Variants in PNPLA2 observed in about 807,000 individuals in gnomAD.
PNPLA2 encodes patatin-like phospholipase domain-containing protein 2.
Under a neutral mutation model 39.7 loss-of-function variants are expected in PNPLA2, and 28 were observed. That is an observed-to-expected ratio of 0.70 (90% CI 0.52 to 0.97). The LOEUF is 0.97. Ranked by LOEUF, PNPLA2 falls within the 50% of genes least tolerant of loss-of-function variation. The probability of loss-of-function intolerance (pLI) is 0.00; values close to 1 mark genes in which losing one functional copy is unlikely to be tolerated. For synonymous variants in PNPLA2, 392 were observed against 321.1 expected, an observed-to-expected ratio of 1.22 and a Z score of -2.36; for missense variants, 768 against 698.2, an observed-to-expected ratio of 1.10 and a Z score of -1.13.
chr11:822,580 A>G lies in PNPLA2; in HGVS notation c.670A>G (p.Lys224Glu). 6.2e-7 allele frequency: 1 copy of G among 1,613,818 alleles called. No individual in the cohort carries two copies. ...FNLRNLYRLS[K>E]ALFPPEPLVL... ...CCTGCGCAACCTCTACCGCCTCTCC[A>G]AGGCCCTCTTCCCGCCGGAGCCCCT... The change falls in exon 5 of 10, where the codon AAG (lysine) becomes GAG (glutamate). Residue 224 changes from lysine to glutamate, a missense_variant. Lys to Glu is a moderately conservative substitution (Grantham distance 56). Coordinates refer to ENST00000336615, the MANE Select transcript of PNPLA2 (RefSeq NM_020376.4).
At chr11:822,826 T>C (rs1407429673) in intron 5 of PNPLA2, among the ~76,000 whole-genome samples, 4 of 150,942 alleles carry the variant, frequency 2.7e-5, no homozygotes, top group Middle Eastern at 3.4e-3. Context: ...CTCTCTTTTT[T>C]TTTTTTTTTT....
rs1390815748 is a variant in PNPLA2, at chr11:825,148, G to A, written c.*286G>A. 5.4e-6 allele frequency: 3 copies of A among 555,000 alleles called. No homozygotes were observed. Among genetic ancestry groups the A allele is most frequent in the Non-Finnish European group, 3.2e-6 (1 of 313,304 alleles). 34.4% of individuals were successfully genotyped at this position (555,000 alleles called of 1,614,324 possible). On this transcript the variant is annotated 3_prime_UTR_variant, in exon 10 of 10. Coordinates refer to ENST00000336615, the MANE Select transcript of PNPLA2 (RefSeq NM_020376.4). ...TGCCCTTCCCTCCCCGTTTTTCATG[G>A]CCTGCTGAAATATGTGTGTGAAGAA...
At chr11:822,137 C>T (rs1004118993) in intron 4 of PNPLA2, 114 bp downstream of exon 4, 2 of 971,364 alleles carry the variant, frequency 2.1e-6, no homozygotes, top group Non-Finnish European at 1.6e-6. Flanking sequence ...CGCCTGTTAC[C>T]CACTTCCCCT....
At position 824,640 on chromosome 11, in the gene PNPLA2, C is replaced by T. The variant is rs61876745; in HGVS notation, c.1293C>T (p.Asp431=). The T allele has an allele frequency of 2.5e-6, 4 of 1,597,132 alleles. No individual in the cohort carries two copies. The highest frequency in any genetic ancestry group is 1.3e-5 in the African/African-American group (1 of 74,796). The change falls in exon 10 of 10, where the codon GAC becomes GAT. Residue 431 remains aspartate, a synonymous_variant. Coordinates refer to ENST00000336615, the MANE Select transcript of PNPLA2 (RefSeq NM_020376.4). ...GWMRNNLSLG[D]ALAKWEECQR... is the part of the protein sequence containing the mutation. Reference sequence around the variant, plus strand: ...TGCGCAACAACCTCTCGCTGGGGGACGCGCTGGCCAAGTGGGAGGAGTGCC... The same window carrying T: ...TGCGCAACAACCTCTCGCTGGGGGATGCGCTGGCCAAGTGGGAGGAGTGCC...
intron 4 of PNPLA2, 33 bp downstream of exon 4, chr11:822,056 G>A: frequency 1.2e-6 from 2 of 1,600,708 alleles, no homozygotes; most frequent in Non-Finnish European, 1.7e-6. Flanking sequence ...ACCTTCTATG[G>A]GGTGGGCCGT....
chr11:823,882 G>A, intron 7 of PNPLA2, 27 bp downstream of exon 7: 1 of 1,565,410 alleles, frequency 6.4e-7, no homozygotes, highest in Non-Finnish European at 8.6e-7. Flanking sequence ...CGGGAGGGGA[G>A]GAGGGGAGGC....
intron 2 of PNPLA2, 127 bp from the exon 3 acceptor site, chr11:821,501 G>A (rs1845662730): frequency 2.7e-6 from 2 of 741,408 alleles, no homozygotes; most frequent in Non-Finnish European, 4.7e-6. Flanking sequence ...CTGTGAGCCA[G>A]GCCCCACATT....
Position 824,869 on chromosome 11 carries a change from G to C in PNPLA2, c.*7G>C. 1 of 1,531,716 alleles carries C rather than the reference G, an allele frequency of 6.5e-7. No individual in the cohort carries two copies. The highest frequency in any genetic ancestry group is 8.7e-7 in the Non-Finnish European group (1 of 1,143,472). 94.9% of individuals were successfully genotyped at this position (1,531,716 alleles called of 1,614,324 possible). ...CGGGGCCCTGGGGCTGTGAGACCCC[G>C]ACCCTCTCGAGGAACCCTGCCTGAG... On this transcript the variant is annotated 3_prime_UTR_variant, in exon 10 of 10. Transcript: ENST00000336615.
Position 823,728 on chromosome 11 carries a change from G to GCCCCCCCCCC in PNPLA2, c.798_799insCCCCCCCCCC (p.Ala267ProfsTer43). On this transcript the variant is annotated frameshift_variant, in exon 7 of 10. Coordinates refer to ENST00000336615, the MANE Select transcript of PNPLA2 (RefSeq NM_020376.4). LOFTEE classifies it high-confidence loss of function. ...ACCGGCCCAACCCCTTGCTGGCGTT[G>GCCCCCCCCCC]CCCCCCGCCCGCCCCCACGGCCCAG... The GCCCCCCCCCC allele has an allele frequency of 1.3e-6, 2 of 1,597,104 alleles. No homozygotes were observed. The highest frequency in any genetic ancestry group is 1.7e-6 in the Non-Finnish European group (2 of 1,168,688).
Position 823,529 on chromosome 11 carries a change from G to A in PNPLA2, c.699G>A (p.Val233=). 1 of 1,608,754 alleles carries A rather than the reference G, an allele frequency of 6.2e-7. No homozygotes were observed. The highest frequency in any genetic ancestry group is 1.1e-5 in the South Asian group (1 of 90,054). Residue 233 remains valine, a splice_region_variant and synonymous_variant, in exon 6 of 10, where the codon GTG becomes GTA. Transcript: ENST00000336615. The part of the protein sequence containing the change: ...SKALFPPEPL[V]LREMCKQGYR... Reference sequence around the variant, plus strand: ...CCATTTAACCCTCCTCACTGCAGGTGCTGCGAGAGATGTGCAAGCAGGGAT... The same window carrying A: ...CCATTTAACCCTCCTCACTGCAGGTACTGCGAGAGATGTGCAAGCAGGGAT...
rs1554975332 is a variant in PNPLA2 at position 819,906 on chromosome 11, G to C, written c.187+1G>C. On this transcript the variant is annotated splice_donor_variant, in intron 2 of 9. Coordinates refer to ENST00000336615, the MANE Select transcript of PNPLA2 (RefSeq NM_020376.4). LOFTEE classifies it high-confidence loss of function. ...GCGCTGGTCACCGGGGTCTGCCTGG[G>C]TGAGCGGGGCCGGGGGCGGCAGGCG... 1.5e-6 allele frequency: 2 copies of C among 1,373,872 alleles called. No individual in the cohort carries two copies. The highest frequency in any genetic ancestry group is 1.9e-6 in the Non-Finnish European group (2 of 1,066,586). The allele number at this position is 1,373,872 out of a possible 1,614,324, so 85.1% of individuals were successfully genotyped here.
In PNPLA2 at chr11:823,864, C is replaced by A. The variant is rs1380408019; in HGVS notation, c.919+9C>A. 1 of 1,577,608 alleles carries A rather than the reference C, an allele frequency of 6.3e-7. No homozygotes were observed. Among genetic ancestry groups the A allele is most frequent in the Admixed American group, 1.8e-5 (1 of 54,950 alleles). On this transcript the variant is annotated intron_variant, in intron 7 of 9. Coordinates refer to ENST00000336615, the MANE Select transcript of PNPLA2 (RefSeq NM_020376.4). ...CGCCCGGCTCAATGAGGGTGCGCAC[C>A]TGGGGGACGGGAGGGGAGGAGGGGA...
At chr11:823,042 G>A (rs779177880) in intron 5 of PNPLA2, among the ~76,000 whole-genome samples, 7 of 150,940 alleles carry the variant, frequency 4.6e-5, no homozygotes, top group Non-Finnish European at 1.0e-4. Flanking sequence ...GGCCAGGCTG[G>A]CCTCAAACTA....
intron 5 of PNPLA2, 140 bp from the exon 6 acceptor site, chr11:823,387 C>G (rs1845732796): frequency 1.3e-6 from 1 of 793,078 alleles, no homozygotes; most frequent in Non-Finnish European, 2.2e-6. Context: ...CAGCTTTGAT[C>G]TTGTTCTGGA....
rs1845605092 is a variant in PNPLA2, at chr11:819,738, C to T, written c.20C>T (p.Thr7Met). The T allele has an allele frequency of 6.7e-7, 1 of 1,502,658 alleles. No homozygotes were observed. The highest frequency in any genetic ancestry group is 8.9e-7 in the Non-Finnish European group (1 of 1,126,146). The allele number at this position is 1,502,658 out of a possible 1,614,324, so 93.1% of individuals were successfully genotyped here. A position where few individuals can be genotyped will look rare whatever the true frequency, so the allele number is the denominator to read the frequency against. The change falls in exon 2 of 10, where the codon ACG becomes ATG. Residue 7 changes from threonine (T) to methionine (M), a missense_variant. Physicochemically the swap from Thr to Met is moderately conservative, Grantham distance 81 (BLOSUM62 -1). Coordinates refer to ENST00000336615, the MANE Select transcript of PNPLA2 (RefSeq NM_020376.4). The part of the protein sequence containing the change: MFPREK[T>M]WNISFAGCGF... ...GCCGCGATGTTTCCCCGCGAGAAGA[C>T]GTGGAACATCTCGTTCGCGGGCTGC...
chr11:824,985 A>G lies in PNPLA2; in HGVS notation c.*123A>G, dbSNP rs1268881486. On this transcript the variant is annotated 3_prime_UTR_variant, in exon 10 of 10. Coordinates refer to ENST00000336615, the MANE Select transcript of PNPLA2 (RefSeq NM_020376.4). ...TGGGCCCCCTCGCCAGCCACTCACC[A>G]GCTGCATGCACTGAGAGGGGAGGTT... 1 of 760,164 alleles carries G rather than the reference A, an allele frequency of 1.3e-6. No homozygotes were observed. Among genetic ancestry groups the G allele is most frequent in the Non-Finnish European group, 2.1e-6 (1 of 476,484 alleles). The allele number at this position is 760,164 out of a possible 1,614,324, so 47.1% of individuals were successfully genotyped here. A position where few individuals can be genotyped will look rare whatever the true frequency, so the allele number is the denominator to read the frequency against.
At position 824,091 on chromosome 11, in the gene PNPLA2, A is replaced by C; in HGVS notation, c.1013A>C (p.Tyr338Ser). ...VRLATAMMVP[Y>S]TLPLESALSF... The stretch of plus-strand genomic sequence containing the variant: ...CTGGCCACGGCCATGATGGTGCCCT[A>C]CACGCTGCCGCTGGAGAGCGCTCTG... The change falls in exon 8 of 10, where the codon TAC becomes TCC. Residue 338 changes from tyrosine to serine, a missense_variant. By Grantham distance (144) the Tyr-to-Ser change is moderately radical (BLOSUM62 -2). Transcript: ENST00000336615. 6.2e-7 allele frequency: 1 copy of C among 1,605,302 alleles called. No homozygotes were observed. Among genetic ancestry groups the C allele is most frequent in the East Asian group, 2.2e-5 (1 of 44,510 alleles).
Position 824,521 on chromosome 11 carries a change from A to G in PNPLA2, c.1176-2A>G. ...CCTCCCTGCCGCATCCCTGCCCCGCAGGCTGCCGGAGCAGGTGGAGCTGCG... is the reference window on the plus strand; with the variant it reads ...CCTCCCTGCCGCATCCCTGCCCCGCGGGCTGCCGGAGCAGGTGGAGCTGCG... On this transcript the variant is annotated splice_acceptor_variant, in intron 9 of 9. Coordinates refer to ENST00000336615, the MANE Select transcript of PNPLA2 (RefSeq NM_020376.4). LOFTEE classifies it high-confidence loss of function. The G allele has an allele frequency of 6.5e-7, 1 of 1,547,584 alleles. No individual in the cohort carries two copies. Among genetic ancestry groups the G allele is most frequent in the Non-Finnish European group, 8.7e-7 (1 of 1,148,858 alleles).
In PNPLA2 at chr11:822,549, G is replaced by C. The variant is rs370223018; in HGVS notation, c.639G>C (p.Gln213His). 1.9e-6 allele frequency: 3 copies of C among 1,613,946 alleles called. No individual in the cohort carries two copies. Among genetic ancestry groups the C allele is most frequent in the Non-Finnish European group, 2.5e-6 (3 of 1,180,038 alleles). ...HELRVTNTSI[Q>H]FNLRNLYRLS... ...TGCGGGTCACCAACACCAGCATCCA[G>C]TTCAACCTGCGCAACCTCTACCGCC... The change falls in exon 5 of 10, where the codon CAG (glutamine) becomes CAC (histidine). Residue 213 changes from glutamine (Q) to histidine (H), a missense_variant. Physicochemically the swap from Gln to His is conservative, Grantham distance 24. Transcript: ENST00000336615.
Sources: gnomAD v4.1 joint callset for allele counts (sites outside exome capture counted in the v4.1 genomes callset) on GRCh38, gnomAD v4.1.1 for gene constraint, MANE v1.5 for transcripts, NCBI Gene and HGNC (gene_info 2026-07-23, HGNC 2026-07-21) for gene names.